Variants in LMNTD2 observed in about 807,000 individuals in gnomAD.
LMNTD2 encodes the protein lamin tail domain-containing protein 2.
Under a neutral mutation model 70.1 loss-of-function variants are expected in LMNTD2, and 83 were observed. The ratio of observed to expected loss-of-function variants is 1.18; its 90% CI spans 0.99 to 1.42. The LOEUF is 1.42. Ranked by LOEUF, LMNTD2 falls within the 40% of genes most tolerant of loss-of-function variation. The pLI is 0.00. For synonymous variants in LMNTD2, 534 were observed against 406.1 expected, an observed-to-expected ratio of 1.31 and a Z score of -3.79; for missense variants, 1,153 against 905.9, an observed-to-expected ratio of 1.27 and a Z score of -3.50.
In LMNTD2 at chr11:555,477, C is replaced by T. The variant is rs1200365310; in HGVS notation, c.1601G>A (p.Ser534Asn). The T allele has an allele frequency of 6.5e-6, 9 of 1,375,034 alleles. No homozygotes were observed. The highest frequency in any genetic ancestry group is 1.5e-5 in the African/African-American group (1 of 66,074). 85.2% of individuals were successfully genotyped at this position (1,375,034 alleles called of 1,614,324 possible). The change falls in exon 13 of 14, where the codon AGC becomes AAC. Residue 534 changes from serine to asparagine, a missense_variant. Transcript: ENST00000329451. ...PGTRGLLPPV[S>N]SGKLFHAREG... The stretch of plus-strand genomic sequence containing the variant: ...CCGCGCGTGGAAGAGCTTCCCCGAG[C>T]TCACTGGGGGCAGCAGGCCCCGCGT...
chr11:557,306 G>A lies in LMNTD2; in HGVS notation c.713+93C>T, dbSNP rs183355273. 5.0e-4 allele frequency: 724 copies of A among 1,443,862 alleles called. 5 individuals carry two copies. In the Middle Eastern group the frequency reaches 0.015, roughly 31 times the overall value. The allele number at this position is 1,443,862 out of a possible 1,614,324, so 89.4% of individuals were successfully genotyped here. A position where few individuals can be genotyped will look rare whatever the true frequency, so the allele number is the denominator to read the frequency against. ...GGAAGGTTTAAGAGACTTATCCAGGGACACTAAATGGTCCTTTAGTGTCCT... is the reference window on the plus strand; with the variant it reads ...GGAAGGTTTAAGAGACTTATCCAGGAACACTAAATGGTCCTTTAGTGTCCT... On this transcript the variant is annotated intron_variant, in intron 7 of 13. Transcript: ENST00000329451.
chr11:558,416 G>C (rs939083364), intron 3 of LMNTD2, 168 bp from the exon 4 acceptor site: 12 of 1,062,360 alleles, frequency 1.1e-5, no homozygotes, highest in South Asian at 3.3e-5. Flanking sequence ...GTCTGGACAA[G>C]GGTCTAGCAC....
chr11:560,583 G>C (rs947644913), intron 1 of LMNTD2, 100 bp downstream of exon 1: 9 of 1,292,468 alleles, frequency 7.0e-6, no homozygotes, highest in South Asian at 4.7e-5. Context: ...ACGCAGGCGG[G>C]GGTTGCGGGA....
At position 555,501 on chromosome 11, in the gene LMNTD2, G is replaced by T. The variant is rs916181509; in HGVS notation, c.1577C>A (p.Thr526Lys). 3.7e-6 allele frequency: 5 copies of T among 1,362,046 alleles called. No homozygotes were observed. The African/African-American group carries it at 6.1e-5, about 17-fold the overall frequency. 84.4% of individuals were successfully genotyped at this position (1,362,046 alleles called of 1,614,324 possible). The change falls in exon 13 of 14, where the codon ACG becomes AAG. Residue 526 changes from threonine (T) to lysine (K), a missense_variant and splice_region_variant. By Grantham distance (78) the Thr-to-Lys change is moderately conservative. Transcript: ENST00000329451. ...EPRVSRRRPGTRGLLPPVSSG... is the reference protein window; with the variant it reads ...EPRVSRRRPGKRGLLPPVSSG... ...GCTCACTGGGGGCAGCAGGCCCCGCGTCCTGGTGGGGCGAGGGTCGTGAGG... is the reference window on the plus strand; with the variant it reads ...GCTCACTGGGGGCAGCAGGCCCCGCTTCCTGGTGGGGCGAGGGTCGTGAGG...
At chr11:560,257 G>T (rs777779541) in intron 1 of LMNTD2, 2 of 992,028 alleles carry the variant, frequency 2.0e-6, no homozygotes, top group Non-Finnish European at 2.4e-6. Flanking sequence ...GAGGCTGCGG[G>T]GCCCTGGGCG....
intron 13 of LMNTD2, 41 bp downstream of exon 13, chr11:555,264 A>AGG: frequency 7.6e-7 from 1 of 1,321,822 alleles, no homozygotes. Flanking sequence ...GAGGAGAACG[A>AGG]GGAGGGAGAG....
intron 1 of LMNTD2, 184 bp from the exon 2 acceptor site, chr11:559,163 G>A: frequency 6.8e-7 from 1 of 1,464,758 alleles, no homozygotes; most frequent in Non-Finnish European, 9.0e-7. Context: ...GTTGCTCTCT[G>A]AAGGGACCCA....
chr11:559,077 G>T (rs566207970), intron 1 of LMNTD2, 98 bp from the exon 2 acceptor site: 1 of 1,551,396 alleles, frequency 6.4e-7, no homozygotes, highest in Admixed American at 1.8e-5. Context: ...GAGGGGTGGG[G>T]GGCCCGTCTG....
At position 556,533 on chromosome 11, in the gene LMNTD2, G is replaced by A. The variant is rs749076945; in HGVS notation, c.1032C>T (p.Pro344=). ...RHGEPVLSPQ[P]CTDPDHWSPE... is the part of the protein sequence containing the mutation. ...GGCTCCAGTGGTCCGGGTCTGTGCA[G>A]GGCTGGGGCGACAGGACCGGCTCGC... is the stretch of plus-strand genomic sequence containing the variant. Residue 344 remains proline (P), a synonymous_variant, in exon 9 of 14, where the codon CCC becomes CCT. Transcript: ENST00000329451. 14 of 1,561,604 alleles carry A rather than the reference G, an allele frequency of 9.0e-6. No homozygotes were observed. The South Asian group carries it at 1.6e-4, about 18-fold the overall frequency.
Position 556,282 on chromosome 11 carries a change from G to A in LMNTD2, c.1167C>T (p.Gly389=). ...CGCGCACCAGCTGCTTCAGCACCAT[G>A]CCGCTCAGGTCGGCCGTGCTCTCCT... is the stretch of plus-strand genomic sequence containing the variant. The part of the protein sequence containing the change: ...PSQESTADLS[G]MVLKQLVRGF... The change falls in exon 10 of 14, where the codon GGC becomes GGT. Residue 389 remains glycine (G), a synonymous_variant. Transcript: ENST00000329451. The A allele has an allele frequency of 6.5e-7, 1 of 1,535,406 alleles. No individual in the cohort carries two copies. The highest frequency in any genetic ancestry group is 8.7e-7 in the Non-Finnish European group (1 of 1,146,652).
At chr11:557,323 T>G in intron 7 of LMNTD2, 76 bp downstream of exon 7, 1 of 1,493,346 alleles carries the variant, frequency 6.7e-7, no homozygotes. Context: ...AATGGTCCTT[T>G]AGTGTCCTGC....
rs1042611216 is a variant in LMNTD2, at chr11:558,265, C to T, written c.312-17G>A. ...TGGGAGCTCCTGGAGGAGGGGTGAC[C>T]TCAGCAGCCCCCACCCTGCTCAGGC... On this transcript the variant is annotated splice_polypyrimidine_tract_variant and intron_variant, in intron 3 of 13. Transcript: ENST00000329451. 1.2e-6 allele frequency: 2 copies of T among 1,611,928 alleles called. No individual in the cohort carries two copies. The highest frequency in any genetic ancestry group is 1.1e-5 in the South Asian group (1 of 90,980).
Position 560,734 on chromosome 11 carries a change from T to G in LMNTD2, c.-18A>C, listed in dbSNP as rs769293889. On this transcript the variant is annotated 5_prime_UTR_variant, in exon 1 of 14. Transcript: ENST00000329451. ...CACCGCATTTCCGCGTTTTTCGCGGTAGGCGGGAGGTGGGGGCGGGGACTG... is the reference window on the plus strand; with the variant it reads ...CACCGCATTTCCGCGTTTTTCGCGGGAGGCGGGAGGTGGGGGCGGGGACTG... The G allele has an allele frequency of 7.1e-7, 1 of 1,414,108 alleles. No individual in the cohort carries two copies. The allele number at this position is 1,414,108 out of a possible 1,614,324, so 87.6% of individuals were successfully genotyped here.
rs747757050 is a variant in LMNTD2 at position 557,652 on chromosome 11, G to A, written c.556-12C>T. On this transcript the variant is annotated splice_polypyrimidine_tract_variant and intron_variant, in intron 5 of 13. Transcript: ENST00000329451. Reference sequence around the variant, plus strand: ...TCTGCCGTCACTACCTGCAAGAGGGGACCGGAAGCCAGTGGGCAGGGGCTG... The same window carrying A: ...TCTGCCGTCACTACCTGCAAGAGGGAACCGGAAGCCAGTGGGCAGGGGCTG... 2 of 1,613,090 alleles carry A rather than the reference G, an allele frequency of 1.2e-6. No individual in the cohort carries two copies. Among genetic ancestry groups the A allele is most frequent in the South Asian group, 1.1e-5 (1 of 91,078 alleles).
chr11:559,331 T>G, intron 1 of LMNTD2: 28 of 1,354,342 alleles, frequency 2.1e-5, no homozygotes, highest in East Asian at 1.8e-4. Context: ...CTCAGGGCCC[T>G]ACCCCCAGCA....
At position 558,773 on chromosome 11, in the gene LMNTD2, C is replaced by T. The variant is rs748975941; in HGVS notation, c.159-7G>A. 39 of 1,603,192 alleles carry T rather than the reference C, an allele frequency of 2.4e-5. No homozygotes were observed. Among genetic ancestry groups the T allele is most frequent in the Admixed American group, 3.4e-5 (2 of 59,668 alleles). ...CAGGGACTCAAGAGCCAACCTGCAG[C>T]GGCAGCAGACCCTGCTGCTTACTCA... On this transcript the variant is annotated splice_region_variant and splice_polypyrimidine_tract_variant and intron_variant, in intron 2 of 13. Transcript: ENST00000329451.
chr11:555,447 C>T lies in LMNTD2; in HGVS notation c.1631G>A (p.Gly544Glu), dbSNP rs758823025. The T allele has an allele frequency of 1.0e-5, 14 of 1,381,544 alleles. No individual in the cohort carries two copies. The highest frequency in any genetic ancestry group is 2.6e-4 in the Middle Eastern group (1 of 3,884). The allele number at this position is 1,381,544 out of a possible 1,614,324, so 85.6% of individuals were successfully genotyped here. ...SSGKLFHARE[G>E]PARPENPEIP... ...CTCGGGGTTCTCGGGCCGCGCAGGC[C>T]CCTCCCGCGCGTGGAAGAGCTTCCC... The change falls in exon 13 of 14, where the codon GGG becomes GAG. Residue 544 changes from glycine to glutamate, a missense_variant. Physicochemically the swap from Gly to Glu is moderately conservative, Grantham distance 98. Coordinates refer to ENST00000329451, the MANE Select transcript of LMNTD2 (RefSeq NM_173573.3).
At chr11:558,568 C>G (rs532968713) in intron 3 of LMNTD2, 46 bp downstream of exon 3, 5 of 1,548,746 alleles carry the variant, frequency 3.2e-6, no homozygotes, top group Admixed American at 3.6e-5. Flanking sequence ...GGAGTCCGGG[C>G]GAGGACAGGG....
Position 556,113 on chromosome 11 carries a change from G to C in LMNTD2, c.1260C>G (p.Val420=), listed in dbSNP as rs1239461178. The change falls in exon 11 of 14, where the codon GTC becomes GTG. Residue 420 remains valine (V), a splice_region_variant and synonymous_variant. Transcript: ENST00000329451. ...TLLAPRHHVT[V]WGEATRSAKK... ...TGGCGCTGCGGGTCGCCTCGCCCCA[G>C]ACCTGGAGGGGCGTGGAGCGGCGGG... 6.8e-7 allele frequency: 1 copy of C among 1,475,266 alleles called. No homozygotes were observed. Among genetic ancestry groups the C allele is most frequent in the Admixed American group, 2.4e-5 (1 of 41,518 alleles). The allele number at this position is 1,475,266 out of a possible 1,614,324, so 91.4% of individuals were successfully genotyped here. A position where few individuals can be genotyped will look rare whatever the true frequency, so the allele number is the denominator to read the frequency against.
Sources: gnomAD v4.1 joint callset for allele counts on GRCh38, gnomAD v4.1.1 for gene constraint, MANE v1.5 for transcripts, NCBI Gene and HGNC (gene_info 2026-07-23, HGNC 2026-07-21) for gene names.